The following NEK9 variants were observed in gnomAD, a reference collection of about 807,000 sequenced individuals.
NEK9 encodes serine/threonine-protein kinase Nek9.
A neutral mutation model predicts 123.4 loss-of-function variants in NEK9; 75 were observed. That is an observed-to-expected ratio of 0.61 (90% CI 0.50 to 0.74). The LOEUF is 0.74. NEK9 is among the 30% of genes least tolerant of loss of function. The probability of loss-of-function intolerance (pLI) is 0.00; values close to 1 mark genes in which losing one functional copy is unlikely to be tolerated. For synonymous variants in NEK9, 438 were observed against 458.7 expected (o/e 0.95, Z 0.58); for missense variants, 952 against 1,214.4 (o/e 0.78, Z 3.21).
At chr14:75,106,161 A>C in intron 12 of NEK9, 165 bp from the exon 13 acceptor site, 9 of 645,308 alleles carry the variant, frequency 1.4e-5, no homozygotes, top group Non-Finnish European at 2.2e-5. Context: ...CGAGCGAGAC[A>C]AGCCTGGCCA....
rs747514023 is a variant in NEK9 at position 75,097,166 on chromosome 14, T to C, written c.2107A>G (p.Ile703Val). The C allele has an allele frequency of 2.5e-6, 4 of 1,613,756 alleles. No individual in the cohort carries two copies. The highest frequency in any genetic ancestry group is 3.4e-6 in the Non-Finnish European group (4 of 1,179,838). Reference protein sequence around the residue: ...SDICTSWPRPIFGSLHHVPDL... With the variant: ...SDICTSWPRPVFGSLHHVPDL... ...GGGACATGATGCAGAGATCCAAAAA[T>C]AGGCCGAGGCCATGAGGTACAGATA... Residue 703 changes from isoleucine (I) to valine (V), a missense_variant, in exon 17 of 22, where the codon ATT becomes GTT. Physicochemically the swap from Ile to Val is conservative, Grantham distance 29. Transcript: ENST00000238616.
At chr14:75,113,542 C>G (rs919301859) in intron 7 of NEK9, 139 bp from the exon 8 acceptor site, 11 of 623,236 alleles carry the variant, frequency 1.8e-5, no homozygotes, top group Non-Finnish European at 3.1e-5. Context: ...ATATTTTATG[C>G]TTCTCACCTC....
chr14:75,084,609 A>G lies in NEK9; in HGVS notation c.2895T>C (p.Asp965=), dbSNP rs1212410776. 2.4e-5 allele frequency: 38 copies of G among 1,614,168 alleles called. No homozygotes were observed. The Middle Eastern group carries it at 4.6e-3, about 196-fold the overall frequency. The change falls in exon 22 of 22, where the codon GAT becomes GAC. Residue 965 remains aspartate (D), a synonymous_variant. Coordinates refer to ENST00000238616, the MANE Select transcript of NEK9 (RefSeq NM_033116.6). ...EMDPKPDLDS[D]SWCLLGTDSC... is the part of the protein sequence containing the mutation. ...AGTCTGTTCCCAGGAGGCACCAGGA[A>G]TCTGAATCTAAGTCAGGCTTTGGAT...
intron 20 of NEK9, among the ~76,000 whole-genome samples, chr14:75,087,609 T>G (rs1214838847): frequency 6.6e-6 from 1 of 152,252 alleles, no homozygotes; most frequent in Admixed American, 6.5e-5. Flanking sequence ...ATTCATGATA[T>G]GCAGTGAATC....
chr14:75,088,770 T>C (rs771540586), intron 19 of NEK9, 129 bp from the exon 20 acceptor site: 2 of 757,188 alleles, frequency 2.6e-6, no homozygotes, highest in Non-Finnish European at 4.2e-6. Context: ...ACAGTTGTGG[T>C]TAACAACATA....
At chr14:75,125,807 T>G (rs762092978) in intron 1 of NEK9, among the ~76,000 whole-genome samples, 3 of 152,230 alleles carry the variant, frequency 2.0e-5, no homozygotes, top group Non-Finnish European at 4.4e-5. Context: ...GCAGATGGAT[T>G]TCCGACGGAT....
intron 11 of NEK9, among the ~76,000 whole-genome samples, 182 bp from the exon 12 acceptor site, chr14:75,106,884 C>T (rs567373946): frequency 1.3e-5 from 2 of 152,180 alleles, no homozygotes; most frequent in Non-Finnish European, 2.9e-5. Flanking sequence ...GTCATGTGTA[C>T]TACTACTACT....
Position 75,116,597 on chromosome 14 carries a change from GCTT to G in NEK9, c.762+595_762+597del. 1.2e-5 allele frequency: 3 copies of G among 240,668 alleles called. No individual in the cohort carries two copies. In the South Asian group the frequency reaches 1.9e-4, roughly 15 times the overall value. 14.9% of individuals were successfully genotyped at this position (240,668 alleles called of 1,614,324 possible). A position where few individuals can be genotyped will look rare whatever the true frequency, so the allele number is the denominator to read the frequency against. On this transcript the variant is annotated intron_variant, in intron 6 of 21. Transcript: ENST00000238616. ...AGTGAACCATCATATTCCATTTTTT[GCTT>G]TTAAGAGATGAACTTTTAAATTTAA...
intron 19 of NEK9, 132 bp from the exon 20 acceptor site, chr14:75,088,773 A>C (rs775180391): frequency 6.9e-5 from 49 of 709,224 alleles, no homozygotes; most frequent in Non-Finnish European, 1.1e-4. Flanking sequence ...GTTGTGGTTA[A>C]CAACATATCA....
intron 21 of NEK9, 82 bp downstream of exon 21, chr14:75,086,936 G>A: frequency 2.9e-6 from 4 of 1,385,880 alleles, no homozygotes; most frequent in Non-Finnish European, 4.1e-6. Context: ...AAAGGAACAA[G>A]TCTATTTCAG....
At chr14:75,095,313 A>T (rs1473183627) in intron 18 of NEK9, 59 bp downstream of exon 18, 10 of 1,258,056 alleles carry the variant, frequency 7.9e-6, no homozygotes, top group Admixed American at 1.9e-5. Context: ...TCTACATGGA[A>T]TCTAACCAAA....
intron 21 of NEK9, chr14:75,086,721 C>T (rs1037647388): frequency 1.0e-4 from 33 of 319,116 alleles, no homozygotes; most frequent in Admixed American, 5.9e-4. Flanking sequence ...TCCTGGCCAA[C>T]ACGGTGAAAC....
chr14:75,102,067 G>A (rs555001655), intron 14 of NEK9, among the ~76,000 whole-genome samples: 10 of 152,240 alleles, frequency 6.6e-5, no homozygotes, highest in South Asian at 6.2e-4. Context: ...GGAGAGAATC[G>A]TTGACATTTA....
At chr14:75,106,375 A>AG in intron 12 of NEK9, 127 bp downstream of exon 12, 1 of 698,598 alleles carries the variant, frequency 1.4e-6, no homozygotes, top group East Asian at 3.6e-5. Flanking sequence ...AAAAAAAAAA[A>AG]AAAAAAAAAA....
chr14:75,086,999 A>G lies in NEK9; in HGVS notation c.2817+19T>C, dbSNP rs766214894. 1.2e-6 allele frequency: 2 copies of G among 1,606,444 alleles called. No individual in the cohort carries two copies. The highest frequency in any genetic ancestry group is 4.5e-5 in the East Asian group (2 of 44,820). ...TCAAAACAGGCTTAGAAATTGGATT[A>G]TTCTTTTAATGCTCTCACCTGCTGC... On this transcript the variant is annotated intron_variant, in intron 21 of 21. Coordinates refer to ENST00000238616, the MANE Select transcript of NEK9 (RefSeq NM_033116.6).
chr14:75,117,951 C>T (rs1895195985), intron 5 of NEK9, among the ~76,000 whole-genome samples: 1 of 152,154 alleles, frequency 6.6e-6, no homozygotes, highest in South Asian at 2.1e-4. Flanking sequence ...CTTTAAGCAG[C>T]AAAGCAAAGC....
In NEK9 at chr14:75,082,199, T is replaced by C. The variant is rs1403725517; in HGVS notation, c.*2365A>G. ...ACCTTTCAAGCAACCTGGCTAACAATAAACTAGTTCTTCTGCAACAATGTT... is the reference window on the plus strand; with the variant it reads ...ACCTTTCAAGCAACCTGGCTAACAACAAACTAGTTCTTCTGCAACAATGTT... On this transcript the variant is annotated 3_prime_UTR_variant, in exon 22 of 22. Coordinates refer to ENST00000238616, the MANE Select transcript of NEK9 (RefSeq NM_033116.6). 6.6e-6 allele frequency: 1 copy of C among 152,174 alleles called. No individual in the cohort carries two copies. The highest frequency in any genetic ancestry group is 6.5e-5 in the Admixed American group (1 of 15,280). The allele number at this position is 152,174 out of a possible 1,614,324, so 9.4% of individuals were successfully genotyped here.
At chr14:75,098,179 G>A (rs948937391) in intron 16 of NEK9, among the ~76,000 whole-genome samples, 6 of 152,198 alleles carry the variant, frequency 3.9e-5, no homozygotes, top group African/African-American at 1.4e-4. Context: ...GATGGGATGT[G>A]GAGTGTAGGA....
At chr14:75,121,326 ACTCTTCCCAT>A (rs1190986533) in intron 2 of NEK9, 152 bp from the exon 3 acceptor site, 1 of 582,180 alleles carries the variant, frequency 1.7e-6, no homozygotes, top group African/African-American at 1.9e-5. Flanking sequence ...TGGGCACAAA[ACTCTTCCCAT>A]CTCTCAAGGA....
Sources: allele counts gnomAD v4.1 joint callset (sites outside exome capture counted in the v4.1 genomes callset), GRCh38; gene constraint gnomAD v4.1.1; transcripts MANE v1.5; gene names NCBI Gene and HGNC (gene_info 2026-07-23, HGNC 2026-07-21).